CWF19L2: variants seen among roughly 807,000 people sequenced by gnomAD.
CWF19L2 encodes the protein CWF19 like cell cycle control factor 2, also known as CWF19-like protein 2.
In CWF19L2, 98 loss-of-function variants were observed where a neutral mutation model predicts 111.7. The ratio of observed to expected loss-of-function variants is 0.88; its 90% CI spans 0.75 to 1.04. The LOEUF is 1.04. Ranked by LOEUF, CWF19L2 falls within the 50% of genes least tolerant of loss-of-function variation. CWF19L2 has a pLI of 0.00. For synonymous variants in CWF19L2, 351 were observed against 342.9 expected, an observed-to-expected ratio of 1.02 and a Z score of -0.26; for missense variants, 1,101 against 1,051.4, an observed-to-expected ratio of 1.05 and a Z score of -0.65.
intron 16 of CWF19L2, among the ~76,000 whole-genome samples, chr11:107,331,357 T>C (rs933977988): frequency 1.3e-5 from 2 of 152,256 alleles, no homozygotes; most frequent in East Asian, 3.9e-4. Flanking sequence ...ACTTTGCAGA[T>C]ATTATTAAGG....
intron 12 of CWF19L2, among the ~76,000 whole-genome samples, chr11:107,354,456 C>A (rs911098337): frequency 1.3e-5 from 2 of 152,090 alleles, no homozygotes; most frequent in East Asian, 3.9e-4. Context: ...ATGGTTGTAA[C>A]AATACTGCCT....
At chr11:107,439,549 A>G (rs974747870) in intron 5 of CWF19L2, among the ~76,000 whole-genome samples, 3 of 152,176 alleles carry the variant, frequency 2.0e-5, no homozygotes, top group African/African-American at 7.2e-5. Flanking sequence ...TCCCTCTCAC[A>G]ATAAAGGATC....
chr11:107,394,394 C>T (rs2134598890), intron 10 of CWF19L2, among the ~76,000 whole-genome samples: 1 of 152,276 alleles, frequency 6.6e-6, no homozygotes, highest in South Asian at 2.1e-4. Flanking sequence ...AACTTTACCA[C>T]ACTGATAAAG....
chr11:107,385,816 CCTGT>C (rs1430185768), intron 12 of CWF19L2, among the ~76,000 whole-genome samples: 72 of 152,356 alleles, frequency 4.7e-4, no homozygotes, highest in African/African-American at 1.6e-3. Flanking sequence ...GTGTATGCTA[CCTGT>C]CTGTCTATTT....
chr11:107,456,762 T>C (rs766143922), intron 1 of CWF19L2, among the ~76,000 whole-genome samples: 1 of 152,082 alleles, frequency 6.6e-6, no homozygotes, highest in African/African-American at 2.4e-5. Flanking sequence ...ATGAATACAA[T>C]GGTTATATAC....
At chr11:107,393,432 G>A (rs762245509) in intron 10 of CWF19L2, among the ~76,000 whole-genome samples, 1 of 151,990 alleles carries the variant, frequency 6.6e-6, no homozygotes, top group Non-Finnish European at 1.5e-5. Flanking sequence ...CAAACTTTTG[G>A]CCAAATATAA....
chr11:107,431,534 G>A (rs1050726685), intron 7 of CWF19L2, among the ~76,000 whole-genome samples: 90 of 151,916 alleles, frequency 5.9e-4, no homozygotes, highest in Admixed American at 5.4e-3. Context: ...AAAAAGAGTC[G>A]TAAATTTATA....
chr11:107,450,886 AG>A (rs1313614154), intron 3 of CWF19L2, among the ~76,000 whole-genome samples: 1 of 152,166 alleles, frequency 6.6e-6, no homozygotes, highest in Non-Finnish European at 1.5e-5. Flanking sequence ...AAGCAGAAAT[AG>A]GTAAAATCCA....
chr11:107,348,789 C>A, intron 14 of CWF19L2, 148 bp downstream of exon 14: 1 of 421,992 alleles, frequency 2.4e-6, no homozygotes, highest in Non-Finnish European at 4.4e-6. Context: ...CATCATGATC[C>A]ACAGATATAT....
intron 3 of CWF19L2, among the ~76,000 whole-genome samples, chr11:107,452,505 T>C (rs1380741312): frequency 6.6e-6 from 1 of 152,132 alleles, no homozygotes; most frequent in Non-Finnish European, 1.5e-5. Context: ...CATAATGGAT[T>C]GAAAGAATAT....
intron 12 of CWF19L2, among the ~76,000 whole-genome samples, chr11:107,386,585 C>T (rs1039921256): frequency 2.0e-5 from 3 of 152,144 alleles, no homozygotes; most frequent in African/African-American, 7.2e-5. Flanking sequence ...GCAGCTGACA[C>T]AGTCATTCAC....
chr11:107,406,023 C>T (rs1164956128), intron 10 of CWF19L2, among the ~76,000 whole-genome samples: 1 of 151,980 alleles, frequency 6.6e-6, no homozygotes, highest in African/African-American at 2.4e-5. Context: ...GTGGCTTCCA[C>T]CAGGATTGGA....
intron 12 of CWF19L2, among the ~76,000 whole-genome samples, chr11:107,386,073 G>T (rs1050167794): frequency 3.9e-5 from 6 of 152,110 alleles, no homozygotes; most frequent in African/African-American, 1.2e-4. Flanking sequence ...ATATATAGGG[G>T]TTTGGTACCA....
At chr11:107,447,311 G>C (rs1861714922) in intron 3 of CWF19L2, among the ~76,000 whole-genome samples, 1 of 152,050 alleles carries the variant, frequency 6.6e-6, no homozygotes, top group Non-Finnish European at 1.5e-5. Context: ...ACAGAGAAAG[G>C]GTGCCAGAAA....
chr11:107,377,920 G>C (rs1860617848), intron 12 of CWF19L2, among the ~76,000 whole-genome samples: 1 of 151,002 alleles, frequency 6.6e-6, no homozygotes, highest in South Asian at 2.1e-4. Context: ...AAATTTACAA[G>C]AAAAAAACAA....
rs1176444046 is a variant in CWF19L2 at position 107,429,082 on chromosome 11, T to C, written c.1150A>G (p.Arg384Gly). 1 of 1,613,862 alleles carries C rather than the reference T, an allele frequency of 6.2e-7. No homozygotes were observed. Among genetic ancestry groups the C allele is most frequent in the Admixed American group, 1.7e-5 (1 of 59,990 alleles). Reference protein sequence around the residue: ...DEELSFHSKGRKFEPLSSSSA... With the variant: ...DEELSFHSKGGKFEPLSSSSA... ...GATGAACTAAGTGGTTCAAATTTTC[T>C]GCCCTTGCTGTGAAATGACAGTTCT... The change falls in exon 8 of 18, where the codon AGA becomes GGA. Residue 384 changes from arginine (R) to glycine (G), a missense_variant. Arg to Gly is a moderately radical substitution (Grantham distance 125). Coordinates refer to ENST00000282251, the MANE Select transcript of CWF19L2 (RefSeq NM_152434.3).
rs1000825701 is a variant in CWF19L2 at position 107,403,910 on chromosome 11, T to C, written c.1618-11015A>G. On this transcript the variant is annotated intron_variant, in intron 10 of 17. Transcript: ENST00000282251. ...AAGAAGTTCAGCTTCTAGTTTTCAC[T>C]GAGGAACCATTAAGGACTGGACCTG... The C allele has an allele frequency of 9.8e-6, 8 of 817,534 alleles. No homozygotes were observed. In the African/African-American group the frequency reaches 1.0e-4, roughly 10 times the overall value. 50.6% of individuals were successfully genotyped at this position (817,534 alleles called of 1,614,324 possible).
In CWF19L2 at chr11:107,409,030, T is replaced by C. The variant is rs552143977; in HGVS notation, c.1617+7179A>G. 1.1e-4 allele frequency among the ~76,000 whole-genome samples: 17 copies of C among 152,086 alleles called. No homozygotes were observed. In the South Asian group the frequency reaches 3.5e-3, roughly 32 times the overall value. ...ACCACAAGCAAGTTTTTTATAGTCTTGTAACTTTTTTTCTGTTGTACTGTG... is the reference window on the plus strand; with the variant it reads ...ACCACAAGCAAGTTTTTTATAGTCTCGTAACTTTTTTTCTGTTGTACTGTG... On this transcript the variant is annotated intron_variant, in intron 10 of 17. Transcript: ENST00000282251.
Position 107,369,616 on chromosome 11 carries a change from C to T in CWF19L2, c.1873-15880G>A, listed in dbSNP as rs1177153442. Among the ~76,000 whole-genome samples the T allele has an allele frequency of 4.4e-5, 6 of 137,846 alleles. 1 individual carries two copies. Among genetic ancestry groups the T allele is most frequent in the Admixed American group, 4.3e-4 (6 of 14,082 alleles). 90.4% of individuals were successfully genotyped at this position (137,846 alleles called of 152,430 possible). ...TTTGTATATTGCATTATTTTGATGT[C>T]AAAATATTCACAATAATTTATTACT... On this transcript the variant is annotated intron_variant, in intron 12 of 17. Coordinates refer to ENST00000282251, the MANE Select transcript of CWF19L2 (RefSeq NM_152434.3).
Sources: allele counts gnomAD v4.1 joint callset (sites outside exome capture counted in the v4.1 genomes callset), GRCh38; gene constraint gnomAD v4.1.1; transcripts MANE v1.5; gene names NCBI Gene and HGNC (gene_info 2026-07-23, HGNC 2026-07-21).